The following ITPR1 variants were observed in gnomAD, a reference collection of about 807,000 sequenced individuals.
ITPR1 encodes the protein inositol 1,4,5-trisphosphate receptor type 1.
In ITPR1, 96 loss-of-function variants were observed where a neutral mutation model predicts 318.4. That is an observed-to-expected ratio of 0.30 (90% CI 0.26 to 0.36). The LOEUF is 0.36. Ranked by LOEUF, ITPR1 falls within the 10% of genes least tolerant of loss-of-function variation. The probability of loss-of-function intolerance (pLI) is 1.00; values close to 1 mark genes in which losing one functional copy is unlikely to be tolerated. For missense variants in ITPR1, 2,440 were observed against 3,460.2 expected, an observed-to-expected ratio of 0.71 and a Z score of 7.40; for synonymous variants, 1,312 against 1,289.9, an observed-to-expected ratio of 1.02 and a Z score of -0.37.
At chr3:4,685,439 A>G (rs1324490829) in intron 30 of ITPR1, among the ~76,000 whole-genome samples, 1 of 152,234 alleles carries the variant, frequency 6.6e-6, no homozygotes, top group Non-Finnish European at 1.5e-5. Flanking sequence ...AAGAGAGTCC[A>G]TTTATTCTCC....
intron 55 of ITPR1, among the ~76,000 whole-genome samples, chr3:4,806,826 G>C (rs924945447): frequency 2.0e-5 from 3 of 152,096 alleles, no homozygotes; most frequent in Non-Finnish European, 4.4e-5. Context: ...AGACAAGCTG[G>C]TTCCATCACC....
At chr3:4,772,843 C>T (rs575282515) in intron 46 of ITPR1, among the ~76,000 whole-genome samples, 41 of 152,322 alleles carry the variant, frequency 2.7e-4, no homozygotes, top group African/African-American at 8.9e-4. Context: ...GGGACAGATT[C>T]TGTCCAGACA....
intron 4 of ITPR1, among the ~76,000 whole-genome samples, chr3:4,521,868 T>TCAAAAA (rs112233957): frequency 1.2e-3 from 179 of 151,744 alleles, no homozygotes; most frequent in Middle Eastern, 3.4e-3. Context: ...AGACCCTGTC[T>TCAAAAA]CAAAAACAAA....
At chr3:4,583,362 C>A (rs2089552111) in intron 4 of ITPR1, among the ~76,000 whole-genome samples, 1 of 151,810 alleles carries the variant, frequency 6.6e-6, no homozygotes, top group Non-Finnish European at 1.5e-5. Context: ...TCTCACTAAT[C>A]ATAGCATGGA....
intron 44 of ITPR1, among the ~76,000 whole-genome samples, chr3:4,754,204 C>G (rs760052864): frequency 2.0e-5 from 3 of 152,210 alleles, no homozygotes; most frequent in Admixed American, 1.3e-4. Context: ...GGAGTTGTTT[C>G]CAGAGATCGA....
chr3:4,628,519 G>C (rs181098443), intron 5 of ITPR1, among the ~76,000 whole-genome samples: 1 of 152,268 alleles, frequency 6.6e-6, no homozygotes, highest in East Asian at 1.9e-4. Flanking sequence ...TGCATTCCGA[G>C]GCTAATCAGG....
At chr3:4,645,782 A>G in intron 10 of ITPR1, 54 bp downstream of exon 10, 2 of 1,415,148 alleles carry the variant, frequency 1.4e-6, no homozygotes, top group Non-Finnish European at 1.9e-6. Flanking sequence ...CAGCCTGTAT[A>G]TAGGCTCTCT....
intron 26 of ITPR1, among the ~76,000 whole-genome samples, chr3:4,682,130 T>C (rs2094314576): frequency 6.6e-6 from 1 of 152,260 alleles, no homozygotes; most frequent in Non-Finnish European, 1.5e-5. Context: ...GTCCTGTGGC[T>C]TGATTAAGCT....
intron 40 of ITPR1, among the ~76,000 whole-genome samples, chr3:4,718,382 T>C (rs535693144): frequency 6.6e-6 from 1 of 152,342 alleles, no homozygotes; most frequent in African/African-American, 2.4e-5. Context: ...AGCTACCAAA[T>C]AGAACATGCT....
chr3:4,679,277 T>A (rs968555925), intron 24 of ITPR1, among the ~76,000 whole-genome samples: 1 of 152,138 alleles, frequency 6.6e-6, no homozygotes, highest in African/African-American at 2.4e-5. Context: ...ACAAATAGGA[T>A]ACATACAGAT....
At chr3:4,584,691 C>G (rs2089702907) in intron 4 of ITPR1, among the ~76,000 whole-genome samples, 1 of 152,030 alleles carries the variant, frequency 6.6e-6, no homozygotes. Context: ...CCGGAACTCA[C>G]TTTCATTTTC....
intron 4 of ITPR1, among the ~76,000 whole-genome samples, chr3:4,534,582 C>G (rs2083691728): frequency 6.6e-6 from 1 of 152,154 alleles, no homozygotes; most frequent in African/African-American, 2.4e-5. Flanking sequence ...TGAGCAGTTG[C>G]AATAATTGAG....
At chr3:4,582,180 T>G (rs1270527403) in intron 4 of ITPR1, among the ~76,000 whole-genome samples, 1 of 152,188 alleles carries the variant, frequency 6.6e-6, no homozygotes, top group Non-Finnish European at 1.5e-5. Context: ...AATCAAGCTC[T>G]GAGCTCAGAG....
At chr3:4,757,882 G>A (rs1173811118) in intron 44 of ITPR1, among the ~76,000 whole-genome samples, 1 of 152,182 alleles carries the variant, frequency 6.6e-6, no homozygotes, top group African/African-American at 2.4e-5. Context: ...CCTCTTGGTA[G>A]CCACTGGCGT....
At chr3:4,590,534 A>G (rs1559499269) in intron 4 of ITPR1, among the ~76,000 whole-genome samples, 1 of 149,374 alleles carries the variant, frequency 6.7e-6, no homozygotes, top group Middle Eastern at 3.5e-3. Flanking sequence ...AATAATAATA[A>G]TAATTTTTTA....
In ITPR1 at chr3:4,658,386, A is replaced by G. The variant is rs975319821; in HGVS notation, c.1151+108A>G. The stretch of plus-strand genomic sequence containing the variant: ...ACTGCCTTTTCTTTTAGATTTTTAT[A>G]AAGGATTTGGTGAAAGGTTTGCACT... On this transcript the variant is annotated intron_variant, in intron 13 of 61. Coordinates refer to ENST00000649015, the MANE Select transcript of ITPR1 (RefSeq NM_001378452.1). 6 of 990,012 alleles carry G rather than the reference A, an allele frequency of 6.1e-6. No homozygotes were observed. The African/African-American group carries it at 6.7e-5, about 11-fold the overall frequency. 61.3% of individuals were successfully genotyped at this position (990,012 alleles called of 1,614,324 possible).
intron 51 of ITPR1, among the ~76,000 whole-genome samples, chr3:4,786,078 T>C (rs1402511184): frequency 6.6e-6 from 1 of 152,184 alleles, no homozygotes; most frequent in Non-Finnish European, 1.5e-5. Flanking sequence ...GAGGCCTCCT[T>C]GTCTACTCCT....
intron 44 of ITPR1, among the ~76,000 whole-genome samples, chr3:4,741,955 G>A (rs577842968): frequency 3.3e-5 from 5 of 152,296 alleles, no homozygotes; most frequent in African/African-American, 7.2e-5. Context: ...CCTCCTGCAC[G>A]TGGGGGTTCG....
chr3:4,619,231 A>C (rs772497106), intron 4 of ITPR1, among the ~76,000 whole-genome samples: 3 of 152,122 alleles, frequency 2.0e-5, no homozygotes, highest in Non-Finnish European at 1.5e-5. Flanking sequence ...TTGCAATGAC[A>C]TGTATGGGTC....
Sources: gnomAD v4.1 joint callset for allele counts (sites outside exome capture counted in the v4.1 genomes callset) on GRCh38, gnomAD v4.1.1 for gene constraint, MANE v1.5 for transcripts, NCBI Gene and HGNC (gene_info 2026-07-23, HGNC 2026-07-21) for gene names.